Variants in ME3 observed in about 807,000 individuals in gnomAD.
The protein encoded by ME3 is malic enzyme 3.
A neutral mutation model predicts 68.9 loss-of-function variants in ME3; 48 were observed. The observed-to-expected ratio is 0.70, with a 90% CI of 0.55 to 0.89. ME3 has a LOEUF of 0.89. Ranked by LOEUF, ME3 falls within the 40% of genes least tolerant of loss-of-function variation. The probability of loss-of-function intolerance (pLI) is 0.00; values close to 1 mark genes in which losing one functional copy is unlikely to be tolerated. For missense variants in ME3, 675 were observed against 797.4 expected (o/e 0.85, Z 1.85); for synonymous variants, 320 against 318.8 (o/e 1.00, Z -0.04).
exon 5 of ME3, chr11:86,508,857 T>C: frequency 6.2e-7 from 1 of 1,613,088 alleles, no homozygotes. Flanking sequence ...TGAATGGTGA[T>C]GAACAGTCCA....
At chr11:86,443,348 C>T (rs1458381) in intron 13 of ME3, among the ~76,000 whole-genome samples, 12,029 of 152,234 alleles carry the variant, frequency 0.079, 846 homozygotes, top group African/African-American at 0.19. Flanking sequence ...TGTGTTCAGT[C>T]TCCTGGAGCT....
intron 6 of ME3, among the ~76,000 whole-genome samples, chr11:86,494,734 G>A (rs1021358600): frequency 6.6e-6 from 1 of 151,822 alleles, no homozygotes; most frequent in Non-Finnish European, 1.5e-5. Context: ...TTAGGTGACA[G>A]TGTTGAAACA....
chr11:86,487,752 A>G (rs1951781280), intron 6 of ME3, among the ~76,000 whole-genome samples: 1 of 152,194 alleles, frequency 6.6e-6, no homozygotes, highest in Non-Finnish European at 1.5e-5. Context: ...ATTTCTCAAC[A>G]GTGGCATTAC....
intron 13 of ME3, among the ~76,000 whole-genome samples, chr11:86,443,630 G>A (rs1400012969): frequency 6.6e-6 from 1 of 152,184 alleles, no homozygotes; most frequent in Non-Finnish European, 1.5e-5. Context: ...TGAGGCTTCT[G>A]GTGTTAAATT....
intron 4 of ME3, among the ~76,000 whole-genome samples, chr11:86,511,733 T>C (rs1180580706): frequency 5.3e-5 from 8 of 152,170 alleles, no homozygotes; most frequent in Non-Finnish European, 5.9e-5. Flanking sequence ...TATAATCCCT[T>C]ACTGCTCAAC....
At chr11:86,564,991 A>T (rs1015783527) in intron 2 of ME3, among the ~76,000 whole-genome samples, 5 of 152,226 alleles carry the variant, frequency 3.3e-5, no homozygotes, top group Non-Finnish European at 7.3e-5. Flanking sequence ...CTCCTACAGC[A>T]CAACAAAAAG....
At chr11:86,487,199 C>G (rs1357890440) in intron 7 of ME3, 138 bp downstream of exon 7, 1 of 689,868 alleles carries the variant, frequency 1.4e-6, no homozygotes, top group African/African-American at 1.8e-5. Flanking sequence ...TCCTAGGGGT[C>G]AAGTTGGAAT....
chr11:86,594,617 C>A lies in ME3; in HGVS notation c.184-34794G>T, dbSNP rs1397293927. Among the ~76,000 whole-genome samples the A allele has an allele frequency of 2.1e-5, 3 of 145,860 alleles. 1 individual carries two copies. Among genetic ancestry groups the A allele is most frequent in the Non-Finnish European group, 4.5e-5 (3 of 67,044 alleles). On this transcript the variant is annotated intron_variant, in intron 2 of 14. Transcript: ENST00000543262. The stretch of plus-strand genomic sequence containing the variant: ...GCTGAGATGGGAAGATCACTTGAGC[C>A]CGAGAGGTCAACGCTGCAGTGAGCT...
intron 4 of ME3, among the ~76,000 whole-genome samples, chr11:86,522,151 G>T (rs1299198587): frequency 6.6e-6 from 1 of 152,168 alleles, no homozygotes; most frequent in Non-Finnish European, 1.5e-5. Flanking sequence ...TCAGGAGGCT[G>T]AGGTAGGAGA....
At chr11:86,504,739 G>C (rs1952956601) in intron 5 of ME3, among the ~76,000 whole-genome samples, 1 of 151,790 alleles carries the variant, frequency 6.6e-6, no homozygotes, top group Non-Finnish European at 1.5e-5. Context: ...CTGTTGCCCA[G>C]GCTGGAGTAC....
At chr11:86,643,175 T>C (rs1477320117) in intron 2 of ME3, among the ~76,000 whole-genome samples, 8 of 152,144 alleles carry the variant, frequency 5.3e-5, no homozygotes, top group African/African-American at 1.9e-4. Flanking sequence ...TCTTGACTAG[T>C]CTCCCAGACT....
intron 7 of ME3, among the ~76,000 whole-genome samples, chr11:86,472,867 C>G (rs1473180189): frequency 6.6e-6 from 1 of 152,164 alleles, no homozygotes; most frequent in African/African-American, 2.4e-5. Context: ...GGGTGAAGTC[C>G]TTTACTCATC....
intron 2 of ME3, among the ~76,000 whole-genome samples, chr11:86,568,078 GATTAT>G (rs1176470651): frequency 6.6e-6 from 1 of 152,154 alleles, no homozygotes; most frequent in African/African-American, 2.4e-5. Context: ...TAGAGTTACA[GATTAT>G]ATTATCTGGT....
Position 86,594,589 on chromosome 11 carries a change from G to A in ME3, c.184-34766C>T, listed in dbSNP as rs564869145. On this transcript the variant is annotated intron_variant, in intron 2 of 14. Transcript: ENST00000543262. Reference sequence around the variant, plus strand: ...GCATGCTTATAGCCCAGCTACTTGGGAGGCTGAGATGGGAAGATCACTTGA... The same window carrying A: ...GCATGCTTATAGCCCAGCTACTTGGAAGGCTGAGATGGGAAGATCACTTGA... Among the ~76,000 whole-genome samples the A allele has an allele frequency of 1.2e-4, 17 of 146,040 alleles. 2 individuals carry two copies. The highest frequency in any genetic ancestry group is 4.5e-4 in the South Asian group (2 of 4,406).
intron 7 of ME3, among the ~76,000 whole-genome samples, chr11:86,483,573 C>A (rs679977): frequency 0.35 from 52,445 of 151,622 alleles, 9,218 homozygotes; most frequent in African/African-American, 0.36. Context: ...ACAGAGACAA[C>A]AAAATGGAGA....
intron 7 of ME3, among the ~76,000 whole-genome samples, chr11:86,480,684 G>C (rs991053704): frequency 1.3e-5 from 2 of 152,196 alleles, no homozygotes; most frequent in Admixed American, 1.3e-4. Flanking sequence ...ACCCAGATGT[G>C]TGAGTGCTTT....
At chr11:86,573,786 T>C (rs980698343) in intron 2 of ME3, among the ~76,000 whole-genome samples, 30 of 152,224 alleles carry the variant, frequency 2.0e-4, no homozygotes, top group Admixed American at 2.0e-3. Context: ...ATACCTCTTA[T>C]TATATTGAGA....
At chr11:86,642,168 G>A (rs1279770620) in intron 2 of ME3, among the ~76,000 whole-genome samples, 1 of 152,206 alleles carries the variant, frequency 6.6e-6, no homozygotes, top group African/African-American at 2.4e-5. Context: ...AAAAAATAGA[G>A]CCAAGGAAAT....
At chr11:86,493,002 T>G (rs1441101697) in intron 6 of ME3, among the ~76,000 whole-genome samples, 1 of 152,198 alleles carries the variant, frequency 6.6e-6, no homozygotes, top group Non-Finnish European at 1.5e-5. Context: ...CACTCATTCC[T>G]TGGGAAACTC....
Sources: gnomAD v4.1 joint callset for allele counts (sites outside exome capture counted in the v4.1 genomes callset) on GRCh38, gnomAD v4.1.1 for gene constraint, MANE v1.5 for transcripts, NCBI Gene and HGNC (gene_info 2026-07-23, HGNC 2026-07-21) for gene names.